The following SMG6 variants were observed in gnomAD, a reference collection of about 807,000 sequenced individuals.
SMG6 encodes the protein telomerase-binding protein EST1A.
A neutral mutation model predicts 142.2 loss-of-function variants in SMG6; 66 were observed. The ratio of observed to expected loss-of-function variants is 0.46; its 90% confidence interval spans 0.38 to 0.57. The LOEUF is 0.57. SMG6 is among the 20% of genes least tolerant of loss of function. SMG6 has a pLI of 0.00. For synonymous variants in SMG6, 779 were observed against 702.4 expected (o/e 1.11, Z -1.72); for missense variants, 1,793 against 1,832.0 (o/e 0.98, Z 0.39).
chr17:2,228,220 C>T (rs1186670974), intron 10 of SMG6, among the ~76,000 whole-genome samples: 1 of 151,674 alleles, frequency 6.6e-6, no homozygotes, highest in Admixed American at 6.6e-5. Flanking sequence ...TATGCCACTG[C>T]GCCCAGCTAA....
At chr17:2,111,940 C>T (rs1305795984) in intron 13 of SMG6, among the ~76,000 whole-genome samples, 2 of 152,120 alleles carry the variant, frequency 1.3e-5, no homozygotes, top group African/African-American at 4.8e-5. Flanking sequence ...AGTTTGACCA[C>T]AAATATTTAA....
At chr17:2,230,223 GA>G (rs1191699477) in intron 10 of SMG6, among the ~76,000 whole-genome samples, 1 of 17,606 alleles carries the variant, frequency 5.7e-5, no homozygotes, top group African/African-American at 2.9e-4. Flanking sequence ...AAAAAAAAAG[GA>G]AAAGAAAGGA....
At chr17:2,227,800 T>G (rs2073360750) in intron 10 of SMG6, among the ~76,000 whole-genome samples, 1 of 152,236 alleles carries the variant, frequency 6.6e-6, no homozygotes, top group Non-Finnish European at 1.5e-5. Context: ...TACCAATAAC[T>G]GCAGTAACCA....
chr17:2,295,059 T>C (rs1215691443), intron 4 of SMG6, among the ~76,000 whole-genome samples: 4 of 152,040 alleles, frequency 2.6e-5, no homozygotes, highest in African/African-American at 9.7e-5. Flanking sequence ...GTATTTTTAG[T>C]AGAGAGGGGG....
At chr17:2,173,752 A>T (rs2071576202) in intron 12 of SMG6, among the ~76,000 whole-genome samples, 2 of 150,382 alleles carry the variant, frequency 1.3e-5, no homozygotes, top group Admixed American at 1.3e-4. Flanking sequence ...ATAGAATTAT[A>T]AAAAAAGAGG....
intron 10 of SMG6, among the ~76,000 whole-genome samples, chr17:2,218,039 A>AG (rs1233419002): frequency 2.7e-5 from 4 of 148,354 alleles, no homozygotes. Flanking sequence ...AAAAAAAAAA[A>AG]CAATGAAAAG....
At chr17:2,180,688 T>G (rs1333231110) in intron 12 of SMG6, among the ~76,000 whole-genome samples, 1 of 152,030 alleles carries the variant, frequency 6.6e-6, no homozygotes, top group Non-Finnish European at 1.5e-5. Flanking sequence ...TGCTGTGCAA[T>G]GATTCTCTAA....
chr17:2,294,704 C>A (rs1404167575), intron 4 of SMG6, among the ~76,000 whole-genome samples: 4 of 152,156 alleles, frequency 2.6e-5, no homozygotes, highest in African/African-American at 7.2e-5. Flanking sequence ...TTACAGTATA[C>A]ACCCCCAACA....
rs575535559 is a variant in SMG6, at chr17:2,259,142, T to C, written c.2662-14423A>G. Among the ~76,000 whole-genome samples, 8 of 151,606 alleles carry C rather than the reference T, an allele frequency of 5.3e-5. No individual in the cohort carries two copies. The South Asian group carries it at 1.7e-3, about 32-fold the overall frequency. The stretch of plus-strand genomic sequence containing the variant: ...GAGACAGACACGGAGAATGTTTCTA[T>C]AAAGACCAAAAGCAAAAGCCCCAAA... On this transcript the variant is annotated intron_variant, in intron 8 of 18. Coordinates refer to ENST00000263073, the MANE Select transcript of SMG6 (RefSeq NM_017575.5).
intron 8 of SMG6, among the ~76,000 whole-genome samples, chr17:2,268,763 T>A (rs1419575687): frequency 2.0e-5 from 3 of 147,602 alleles, no homozygotes; most frequent in African/African-American, 7.5e-5. Flanking sequence ...TACAAAAAAA[T>A]TAGCCGGGCA....
chr17:2,254,356 A>C (rs1185229862), intron 8 of SMG6, among the ~76,000 whole-genome samples: 4 of 152,158 alleles, frequency 2.6e-5, no homozygotes, highest in African/African-American at 9.7e-5. Flanking sequence ...TGTTGTTGAG[A>C]CAGAGTCTTG....
chr17:2,210,286 C>CTTTTT (rs772849830), intron 10 of SMG6, among the ~76,000 whole-genome samples: 1 of 137,294 alleles, frequency 7.3e-6, no homozygotes. Context: ...CTTTTCTTTT[C>CTTTTT]TTTTTTTTTT....
rs2068539930 is a variant in SMG6, at chr17:2,085,646, C to T, written c.3534+79G>A. On this transcript the variant is annotated intron_variant, in intron 14 of 18. Coordinates refer to ENST00000263073, the MANE Select transcript of SMG6 (RefSeq NM_017575.5). The surrounding 1 kb of genome is among the most constrained non-coding windows in gnomAD (Gnocchi z 4.1). The stretch of plus-strand genomic sequence containing the variant: ...GCTGTTCTCTGTGCTCATAAATAAG[C>T]AGGAGGAAAAGCTGAAGCCACGAGC... 1.4e-6 allele frequency: 2 copies of T among 1,384,520 alleles called. No homozygotes were observed. Among genetic ancestry groups the T allele is most frequent in the Non-Finnish European group, 1.0e-6 (1 of 1,004,424 alleles). The allele number at this position is 1,384,520 out of a possible 1,614,324, so 85.8% of individuals were successfully genotyped here. A position where few individuals can be genotyped will look rare whatever the true frequency, so the allele number is the denominator to read the frequency against.
At chr17:2,144,792 C>T (rs1362651555) in intron 13 of SMG6, among the ~76,000 whole-genome samples, 1 of 152,100 alleles carries the variant, frequency 6.6e-6, no homozygotes, top group Non-Finnish European at 1.5e-5. Flanking sequence ...TGAGGGTTAG[C>T]TCATGGTCGT....
At chr17:2,186,620 G>A (rs1008135413) in intron 12 of SMG6, 43 bp downstream of exon 12, 1 of 1,607,268 alleles carries the variant, frequency 6.2e-7, no homozygotes, top group Non-Finnish European at 8.5e-7. Context: ...AACACGGGCA[G>A]GCCCAAGCCA....
At position 2,081,909 on chromosome 17, in the gene SMG6, T is replaced by C; in HGVS notation, c.3582A>G (p.Glu1194=). The C allele has an allele frequency of 1.2e-6, 2 of 1,614,182 alleles. No individual in the cohort carries two copies. Among genetic ancestry groups the C allele is most frequent in the African/African-American group, 2.7e-5 (2 of 75,058 alleles). The change falls in exon 15 of 19, where the codon GAA becomes GAG. Residue 1194 remains glutamate (E), a synonymous_variant. Coordinates refer to ENST00000263073, the MANE Select transcript of SMG6 (RefSeq NM_017575.5). The stretch of plus-strand genomic sequence containing the variant: ...TGATGTCATCCTCGCCTCCGCTGCC[T>C]TCAGCCTCTGAATCTTCCTCAAAGT... The part of the protein sequence containing the change: ...IEDFEEDSEA[E]GSGGEDDIRE...
chr17:2,189,854 A>G (rs2072106654), intron 10 of SMG6, among the ~76,000 whole-genome samples: 2 of 147,128 alleles, frequency 1.4e-5, no homozygotes, highest in South Asian at 4.1e-4. Context: ...CATCCAGGGT[A>G]GTAATTCTTT....
chr17:2,168,659 G>A (rs769467747), intron 13 of SMG6, among the ~76,000 whole-genome samples: 17 of 152,064 alleles, frequency 1.1e-4, no homozygotes, highest in Non-Finnish European at 2.2e-4. Flanking sequence ...AGGAGGCCGA[G>A]GCAGGAGGAT....
chr17:2,169,872 AG>A (rs1264725482), intron 13 of SMG6, among the ~76,000 whole-genome samples: 3 of 152,220 alleles, frequency 2.0e-5, no homozygotes, highest in Non-Finnish European at 4.4e-5. Flanking sequence ...AAGGAACCAG[AG>A]CAACCAGTCA....
Sources: gnomAD v4.1 joint callset for allele counts (sites outside exome capture counted in the v4.1 genomes callset) on GRCh38, gnomAD v4.1.1 for gene constraint, Gnocchi (gnomAD v3.1) non-coding constraint, MANE v1.5 for transcripts, NCBI Gene and HGNC (gene_info 2026-07-23, HGNC 2026-07-21) for gene names.